Variants in PARD3 observed in about 807,000 individuals in gnomAD.
PARD3 encodes par-3 family cell polarity regulator.
A neutral mutation model predicts 155.4 loss-of-function variants in PARD3; 75 were observed. That is an observed-to-expected ratio of 0.48 (90% CI 0.40 to 0.58). PARD3 has a LOEUF of 0.58. PARD3 is among the 20% of genes least tolerant of loss of function. The pLI is 0.00. For synonymous variants in PARD3, 576 were observed against 610.5 expected (o/e 0.94, Z 0.83); for missense variants, 1,642 against 1,721.7 (o/e 0.95, Z 0.82).
At chr10:34,263,030 T>A (rs1346119725) in intron 22 of PARD3, among the ~76,000 whole-genome samples, 1 of 152,240 alleles carries the variant, frequency 6.6e-6, no homozygotes, top group Non-Finnish European at 1.5e-5. Context: ...GGAAGTGGCA[T>A]CAGCAGAATT....
At chr10:34,415,907 G>A (rs1438353863) in intron 5 of PARD3, among the ~76,000 whole-genome samples, 1 of 152,186 alleles carries the variant, frequency 6.6e-6, no homozygotes, top group Non-Finnish European at 1.5e-5. Context: ...TTTACATGGA[G>A]GGTACCCTCA....
At chr10:34,467,505 TG>T (rs1468118397) in intron 4 of PARD3, among the ~76,000 whole-genome samples, 1 of 152,098 alleles carries the variant, frequency 6.6e-6, no homozygotes, top group African/African-American at 2.4e-5. Context: ...TTCCAGCCTT[TG>T]GGACGCTGAG....
rs116888303 is a variant in PARD3 at position 34,454,770 on chromosome 10, G to C, written c.583-4322C>G. ...AAAACAGATGTTCCTGCTGTGATCA[G>C]GGATCTTCCTTATCATCTAAATGTA... On this transcript the variant is annotated intron_variant, in intron 4 of 24. Coordinates refer to ENST00000374788, the MANE Select transcript of PARD3 (RefSeq NM_001184785.2). Among the ~76,000 whole-genome samples the C allele has an allele frequency of 9.7e-3, 1,477 of 152,274 alleles. 16 individuals carry two copies. The highest frequency in any genetic ancestry group is 0.014 in the Non-Finnish European group (955 of 68,030).
At position 34,157,330 on chromosome 10, in the gene PARD3, T is replaced by C. The variant is rs141153647; in HGVS notation, c.3420-25747A>G. Among the ~76,000 whole-genome samples, 1,274 of 152,270 alleles carry C rather than the reference T, an allele frequency of 8.4e-3. 9 individuals are homozygous for C. Among genetic ancestry groups the C allele is most frequent in the Non-Finnish European group, 0.011 (739 of 68,010 alleles). ...CGTTGTAGCTGTTTGTTTACTGGACTTGCCTCTCTCCGGAATTAAGAAGTC... is the reference window on the plus strand; with the variant it reads ...CGTTGTAGCTGTTTGTTTACTGGACCTGCCTCTCTCCGGAATTAAGAAGTC... On this transcript the variant is annotated intron_variant, in intron 22 of 24. Coordinates refer to ENST00000374788, the MANE Select transcript of PARD3 (RefSeq NM_001184785.2).
At chr10:34,429,218 G>T (rs1355794666) in intron 5 of PARD3, among the ~76,000 whole-genome samples, 1 of 151,976 alleles carries the variant, frequency 6.6e-6, no homozygotes, top group Non-Finnish European at 1.5e-5. Context: ...TATATCCCAT[G>T]TATGCTGGAT....
chr10:34,127,206 T>C (rs1326914198), intron 23 of PARD3, among the ~76,000 whole-genome samples: 2 of 152,214 alleles, frequency 1.3e-5, no homozygotes, highest in Non-Finnish European at 2.9e-5. Flanking sequence ...TACTAAGACG[T>C]AGGAAATACT....
intron 2 of PARD3, among the ~76,000 whole-genome samples, chr10:34,665,058 A>T (rs1331780849): frequency 6.6e-6 from 1 of 152,124 alleles, no homozygotes; most frequent in African/African-American, 2.4e-5. Context: ...TACTGAATAG[A>T]GGCAATATAA....
Position 34,374,871 on chromosome 10 carries a change from C to T in PARD3, c.1668+3G>A. 1 of 1,613,798 alleles carries T rather than the reference C, an allele frequency of 6.2e-7. No individual in the cohort carries two copies. Among genetic ancestry groups the T allele is most frequent in the South Asian group, 1.1e-5 (1 of 91,030 alleles). On this transcript the variant is annotated splice_donor_region_variant and intron_variant, in intron 11 of 24. Transcript: ENST00000374788. The stretch of plus-strand genomic sequence containing the variant: ...ATCTTTCATCTACTCTAAATTTACA[C>T]ACCAGTTCCCTTGGGTGGAAGGCGT...
At chr10:34,522,749 C>T (rs1031902000) in intron 2 of PARD3, among the ~76,000 whole-genome samples, 1 of 152,194 alleles carries the variant, frequency 6.6e-6, no homozygotes, top group Non-Finnish European at 1.5e-5. Context: ...CTACATCCTC[C>T]TCTAGAGGGC....
intron 1 of PARD3, among the ~76,000 whole-genome samples, chr10:34,770,951 C>G (rs200548531): frequency 6.6e-6 from 1 of 152,022 alleles, no homozygotes; most frequent in Admixed American, 6.6e-5. Flanking sequence ...TTGAGATGCT[C>G]CTCTGGGAAC....
chr10:34,465,164 TG>T (rs1165468568), intron 4 of PARD3, among the ~76,000 whole-genome samples: 1 of 152,182 alleles, frequency 6.6e-6, no homozygotes, highest in African/African-American at 2.4e-5. Context: ...ACACAACCAT[TG>T]TTTTTTTGTT....
At chr10:34,364,339 T>C (rs1410824065) in intron 12 of PARD3, among the ~76,000 whole-genome samples, 2 of 152,156 alleles carry the variant, frequency 1.3e-5, no homozygotes, top group Admixed American at 6.5e-5. Context: ...ATTTTTGGCT[T>C]TGTAACAAAA....
intron 22 of PARD3, among the ~76,000 whole-genome samples, chr10:34,255,417 G>C (rs2133769560): frequency 6.6e-6 from 1 of 152,172 alleles, no homozygotes; most frequent in Non-Finnish European, 1.5e-5. Context: ...AACAAACTTG[G>C]AGTTAAATTT....
Position 34,489,193 on chromosome 10 carries a change from T to C in PARD3, c.404-18930A>G, listed in dbSNP as rs138536024. Among the ~76,000 whole-genome samples, 966 of 152,046 alleles carry C rather than the reference T, an allele frequency of 6.4e-3. 9 individuals carry two copies. The highest frequency in any genetic ancestry group is 0.022 in the African/African-American group (920 of 41,482). ...TCTCTACTAAAAATACAAAAATTAG[T>C]TGGGCGTGGTGGTGCATGCCTGTAG... On this transcript the variant is annotated intron_variant, in intron 3 of 24. Transcript: ENST00000374788.
chr10:34,400,682 T>G (rs1179707660), intron 6 of PARD3, among the ~76,000 whole-genome samples: 2 of 152,192 alleles, frequency 1.3e-5, no homozygotes, highest in Non-Finnish European at 2.9e-5. Flanking sequence ...AGTTATCCTA[T>G]GTACTATGAA....
intron 5 of PARD3, 141 bp from the exon 6 acceptor site, chr10:34,402,058 A>G (rs1843944076): frequency 1.4e-6 from 1 of 720,970 alleles, no homozygotes; most frequent in East Asian, 2.5e-5. Flanking sequence ...ACCTTTAATG[A>G]CAGGATCAGT....
intron 20 of PARD3, among the ~76,000 whole-genome samples, chr10:34,310,608 A>G (rs1957651243): frequency 6.6e-6 from 1 of 152,208 alleles, no homozygotes; most frequent in Non-Finnish European, 1.5e-5. Context: ...CTCTGCATTC[A>G]GCCTGGGCGC....
chr10:34,220,916 G>C (rs546916674), intron 22 of PARD3, among the ~76,000 whole-genome samples: 1 of 152,282 alleles, frequency 6.6e-6, no homozygotes, highest in South Asian at 2.1e-4. Context: ...GAGAGCTATT[G>C]AATGTGAGGA....
intron 22 of PARD3, among the ~76,000 whole-genome samples, chr10:34,207,949 AAG>A (rs1951557227): frequency 6.6e-6 from 1 of 152,228 alleles, no homozygotes; most frequent in African/African-American, 2.4e-5. Flanking sequence ...CTTTCTGTAA[AAG>A]AGAAAAAAGT....
Sources: gnomAD v4.1 joint callset for allele counts (sites outside exome capture counted in the v4.1 genomes callset) on GRCh38, gnomAD v4.1.1 for gene constraint, MANE v1.5 for transcripts, NCBI Gene and HGNC (gene_info 2026-07-23, HGNC 2026-07-21) for gene names.